The following TMEM223 variants were observed in gnomAD, a reference collection of about 807,000 sequenced individuals.
TMEM223 encodes the protein transmembrane protein 223.
Under a neutral mutation model 14.1 loss-of-function variants are expected in TMEM223, and 14 were observed. The ratio of observed to expected loss-of-function variants is 0.99; its 90% CI spans 0.66 to 1.55. The LOEUF (loss-of-function observed/expected upper bound fraction) is 1.55, where lower values mean the gene tolerates loss of function less well. Among genes scored for constraint, TMEM223 ranks in the 40% most tolerant of loss-of-function variants. The pLI is 0.00. For synonymous variants in TMEM223, 145 were observed against 120.5 expected, an observed-to-expected ratio of 1.20 and a Z score of -1.33; for missense variants, 346 against 269.9, an observed-to-expected ratio of 1.28 and a Z score of -1.97.
chr11:62,786,514 C>A, downstream of TMEM223: 2 of 1,559,402 alleles, frequency 1.3e-6, no homozygotes, highest in Non-Finnish European at 1.7e-6. Context: ...TTGGCTCTTA[C>A]AGGTGGCGGT....
intron 1 of TMEM223, chr11:62,782,375 G>C (rs1460778239): frequency 1.3e-6 from 2 of 1,593,236 alleles, no homozygotes; most frequent in Non-Finnish European, 1.7e-6. Flanking sequence ...TTGCTGCAGA[G>C]CCAAGTGGGT....
downstream of TMEM223, among the ~76,000 whole-genome samples, chr11:62,783,775 T>G (rs1338702598): frequency 3.3e-5 from 5 of 151,876 alleles, no homozygotes; most frequent in East Asian, 8.0e-4. Flanking sequence ...TCAAGTGGTC[T>G]GCCTGCCTCG....
At chr11:62,787,484 T>G (rs1276875283), downstream of TMEM223, 1 of 1,580,198 alleles carries the variant, frequency 6.3e-7, no homozygotes, top group Non-Finnish European at 8.5e-7. Flanking sequence ...GCTGCCGCCT[T>G]CCTGTGCGGG....
At chr11:62,791,606 T>C in intron 1 of TMEM223, 73 bp downstream of exon 1, 1 of 1,429,340 alleles carries the variant, frequency 7.0e-7, no homozygotes, top group Non-Finnish European at 9.2e-7. Context: ...TCCCTGACTC[T>C]CCCTGCCTGT....
At position 62,778,001 on chromosome 11, in the gene TMEM223, G is replaced by A. The variant is rs2084199622; in HGVS notation, c.315-3336C>T. 3.1e-6 allele frequency: 5 copies of A among 1,614,202 alleles called. No homozygotes were observed. The South Asian group carries it at 5.5e-5, about 18-fold the overall frequency. On this transcript the variant is annotated intron_variant, in intron 1 of 2. Coordinates refer to the TMEM223 transcript ENST00000528367. ...AGGCTGTGTGTGGTTACGGATCACA[G>A]GAGGCACTGCCCATGCGCCCCGCCA...
At chr11:62,775,619 TGAG>T (rs1306458688) in intron 1 of TMEM223, 29 of 780,018 alleles carry the variant, frequency 3.7e-5, no homozygotes, top group Middle Eastern at 3.8e-4. Context: ...TTTCCTTCTC[TGAG>T]CCTCACTTTC....
chr11:62,788,939 C>G (rs2084324485), downstream of TMEM223: 6 of 1,432,488 alleles, frequency 4.2e-6, no homozygotes, highest in Non-Finnish European at 5.7e-6. Flanking sequence ...AGGACCATTC[C>G]TAAGTTATCA....
chr11:62,781,269 G>A (rs1045572296), intron 1 of TMEM223, among the ~76,000 whole-genome samples: 6 of 150,026 alleles, frequency 4.0e-5, no homozygotes, highest in African/African-American at 1.5e-4. Context: ...AAACTGAAAA[G>A]TCTATTCCTC....
intron 1 of TMEM223, among the ~76,000 whole-genome samples, chr11:62,774,906 A>G (rs1470093321): frequency 1.3e-5 from 2 of 150,718 alleles, no homozygotes; most frequent in Non-Finnish European, 3.0e-5. Context: ...AAAAAAAAAA[A>G]AAAATTTAGC....
rs1045943927 is a variant in TMEM223, at chr11:62,791,726, C to G, written c.269G>C (p.Arg90Pro). The G allele has an allele frequency of 1.3e-6, 2 of 1,555,588 alleles. No individual in the cohort carries two copies. The highest frequency in any genetic ancestry group is 3.9e-5 in the Admixed American group (2 of 51,808). The change falls in exon 1 of 2, where the codon CGC becomes CCC. Residue 90 changes from arginine (R) to proline (P), a missense_variant. Arg to Pro is a moderately radical substitution (Grantham distance 103). Transcript: ENST00000307366. ...CAGACCGTAGCGCCAGAGCGCGGAG[C>G]GCAGGTCGAAGGGGCCACGATTTGG... is the stretch of plus-strand genomic sequence containing the variant. ...EVPNRGPFDL[R>P]SALWRYGLAV...
Position 62,790,540 on chromosome 11 carries a change from C to T in TMEM223, c.*83G>A. ...CCCTCCCAAAGTGCTGGGATTACAACAGGTGTGAACCAACACACCTGGCTC... is the reference window on the plus strand; with the variant it reads ...CCCTCCCAAAGTGCTGGGATTACAATAGGTGTGAACCAACACACCTGGCTC... On this transcript the variant is annotated 3_prime_UTR_variant, in exon 2 of 2. Transcript: ENST00000307366. 1 of 1,307,346 alleles carries T rather than the reference C, an allele frequency of 7.6e-7. No homozygotes were observed. The highest frequency in any genetic ancestry group is 1.0e-6 in the Non-Finnish European group (1 of 957,878). 81.0% of individuals were successfully genotyped at this position (1,307,346 alleles called of 1,614,324 possible). A position where few individuals can be genotyped will look rare whatever the true frequency, so the allele number is the denominator to read the frequency against.
chr11:62,777,324 C>T (rs1446890560), intron 1 of TMEM223, among the ~76,000 whole-genome samples: 1 of 151,994 alleles, frequency 6.6e-6, no homozygotes, highest in Non-Finnish European at 1.5e-5. Context: ...AAAACTCTGT[C>T]TCAAAACAAA....
At chr11:62,775,686 A>G in intron 1 of TMEM223, 1 of 1,434,178 alleles carries the variant, frequency 7.0e-7, no homozygotes, top group South Asian at 1.4e-5. Flanking sequence ...ACGAGCAGCA[A>G]GGCTGGTGTG....
chr11:62,776,476 T>TG, intron 1 of TMEM223: 3 of 1,612,770 alleles, frequency 1.9e-6, no homozygotes, highest in Non-Finnish European at 2.5e-6. Context: ...TGGAGGTGAG[T>TG]GGGGTGCAGG....
chr11:62,773,716 G>C (rs1336209234), intron 2 of TMEM223, among the ~76,000 whole-genome samples: 2 of 152,176 alleles, frequency 1.3e-5, no homozygotes, highest in African/African-American at 4.8e-5. Flanking sequence ...CGAAAGTGCT[G>C]GGATTAGAGG....
downstream of TMEM223, chr11:62,789,015 C>A: frequency 6.2e-7 from 1 of 1,606,508 alleles, no homozygotes; most frequent in Non-Finnish European, 8.5e-7. Context: ...AGCAGCTTCT[C>A]TCCACAGGGC....
At chr11:62,782,232 C>A (rs370896310) in intron 1 of TMEM223, 2 of 1,614,222 alleles carry the variant, frequency 1.2e-6, no homozygotes, top group South Asian at 2.2e-5. Flanking sequence ...TGGGCAGTGT[C>A]CTCTACTGTG....
chr11:62,771,856 G>T, exon 3 of TMEM223: 1 of 306,168 alleles, frequency 3.3e-6, no homozygotes, highest in Non-Finnish European at 6.5e-6. Flanking sequence ...TCGCGCTGGT[G>T]GACTAAATGC....
chr11:62,789,185 A>G (rs760153213), downstream of TMEM223: 110 of 1,614,164 alleles, frequency 6.8e-5, 2 homozygotes, highest in South Asian at 1.2e-3. Context: ...CTGGATCTAC[A>G]GCAGCTGCAT....
Sources: allele counts gnomAD v4.1 joint callset (sites outside exome capture counted in the v4.1 genomes callset), GRCh38; gene constraint gnomAD v4.1.1; transcripts MANE v1.5; gene names NCBI Gene and HGNC (gene_info 2026-07-23, HGNC 2026-07-21).